PTPRT: variants seen among roughly 807,000 people sequenced by gnomAD.
PTPRT encodes protein tyrosine phosphatase receptor type T.
In PTPRT, 56 loss-of-function variants were observed where a neutral mutation model predicts 176.8. That is an observed-to-expected ratio of 0.32 (90% CI 0.26 to 0.40). The LOEUF is 0.40. PTPRT is among the 10% of genes least tolerant of loss of function. PTPRT has a pLI of 1.00. For missense variants in PTPRT, 1,540 were observed against 1,908.2 expected (o/e 0.81, Z 3.60); for synonymous variants, 783 against 739.0 (o/e 1.06, Z -0.96).
intron 16 of PTPRT, among the ~76,000 whole-genome samples, chr20:42,191,116 T>A (rs57304566): frequency 0.22 from 33,051 of 151,712 alleles, 4,123 homozygotes; most frequent in African/African-American, 0.32. Context: ...ATGTAGTAAT[T>A]CCTACATTTC....
At chr20:42,183,585 T>C (rs1990609337) in intron 16 of PTPRT, among the ~76,000 whole-genome samples, 1 of 152,194 alleles carries the variant, frequency 6.6e-6, no homozygotes, top group South Asian at 2.1e-4. Context: ...ATATTCCTAT[T>C]ATTGACTATA....
intron 20 of PTPRT, among the ~76,000 whole-genome samples, 172 bp downstream of exon 20, chr20:42,119,763 G>A (rs959606194): frequency 2.0e-5 from 3 of 152,138 alleles, no homozygotes; most frequent in East Asian, 1.9e-4. Flanking sequence ...CTACCCCTCC[G>A]TGGCTTCTTT....
chr20:42,613,216 G>A (rs1367377408), intron 7 of PTPRT, among the ~76,000 whole-genome samples: 2 of 152,304 alleles, frequency 1.3e-5, no homozygotes, highest in African/African-American at 2.4e-5. Flanking sequence ...TGGCTTTCTG[G>A]CAGTGAGCAC....
intron 25 of PTPRT, 36 bp from the exon 26 acceptor site, chr20:42,102,333 C>T: frequency 1.0e-5 from 16 of 1,593,630 alleles, no homozygotes; most frequent in Non-Finnish European, 1.4e-5. Context: ...AGGCCCTGCT[C>T]ATTTGGCTGC....
At chr20:42,823,219 G>A (rs913319220) in intron 2 of PTPRT, among the ~76,000 whole-genome samples, 3 of 152,182 alleles carry the variant, frequency 2.0e-5, no homozygotes, top group Non-Finnish European at 4.4e-5. Context: ...AAAAAGGAAT[G>A]AGATCATGTG....
intron 17 of PTPRT, among the ~76,000 whole-genome samples, chr20:42,156,617 G>T (rs1329753686): frequency 2.0e-5 from 3 of 152,196 alleles, no homozygotes; most frequent in African/African-American, 7.2e-5. Flanking sequence ...ACTACTGATT[G>T]TTCCAGCTCT....
Position 42,075,117 on chromosome 20 carries a change from A to G in PTPRT, c.*5762T>C, listed in dbSNP as rs1982644154. On this transcript the variant is annotated 3_prime_UTR_variant, in exon 31 of 31. Coordinates refer to ENST00000373187, the MANE Select transcript of PTPRT (RefSeq NM_007050.6). ...ATCACTTCTAGACATGTATACATGG[A>G]AAACCTCCAACAGGGAAACTTTGCA... 1 of 341,544 alleles carries G rather than the reference A, an allele frequency of 2.9e-6. No individual in the cohort carries two copies. The highest frequency in any genetic ancestry group is 4.8e-5 in the Admixed American group (1 of 20,936). The allele number at this position is 341,544 out of a possible 1,614,324, so 21.2% of individuals were successfully genotyped here. A position where few individuals can be genotyped will look rare whatever the true frequency, so the allele number is the denominator to read the frequency against.
chr20:42,879,756 T>TGC (rs1357534821), intron 2 of PTPRT, among the ~76,000 whole-genome samples: 20 of 140,930 alleles, frequency 1.4e-4, no homozygotes, highest in South Asian at 2.3e-4. Flanking sequence ...TGTGTGTGTG[T>TGC]GCGCGTGTGT....
intron 1 of PTPRT, among the ~76,000 whole-genome samples, chr20:43,034,104 CCTGA>C (rs1986268164): frequency 6.6e-6 from 1 of 152,238 alleles, no homozygotes; most frequent in Admixed American, 6.5e-5. Flanking sequence ...CATGCTCTTT[CCTGA>C]CTGTGTGTTC....
chr20:43,000,429 G>C (rs1230922799), intron 1 of PTPRT, among the ~76,000 whole-genome samples: 1 of 151,844 alleles, frequency 6.6e-6, no homozygotes, highest in Non-Finnish European at 1.5e-5. Context: ...AGATTTTTAA[G>C]TGAATTATAA....
chr20:43,056,094 G>C (rs935723184), intron 1 of PTPRT, among the ~76,000 whole-genome samples: 14 of 152,156 alleles, frequency 9.2e-5, no homozygotes, highest in Admixed American at 1.3e-4. Flanking sequence ...GGATGAACAA[G>C]AAGAGTCAAA....
At chr20:42,584,198 T>G (rs1035165417) in intron 7 of PTPRT, among the ~76,000 whole-genome samples, 2 of 152,192 alleles carry the variant, frequency 1.3e-5, no homozygotes, top group African/African-American at 2.4e-5. Flanking sequence ...TCATGAGATA[T>G]TAAATAAAAT....
At chr20:43,093,368 T>C (rs1268569348) in intron 1 of PTPRT, among the ~76,000 whole-genome samples, 5 of 152,164 alleles carry the variant, frequency 3.3e-5, no homozygotes, top group Admixed American at 3.3e-4. Context: ...TCCAAGAAAG[T>C]TTTAGTTGTA....
intron 11 of PTPRT, among the ~76,000 whole-genome samples, chr20:42,327,131 CAT>C (rs1429679865): frequency 2.7e-5 from 4 of 148,974 alleles, no homozygotes; most frequent in Admixed American, 2.0e-4. Flanking sequence ...GAGAGAGAAA[CAT>C]ATAATTTTAT....
intron 1 of PTPRT, among the ~76,000 whole-genome samples, chr20:42,964,184 C>T (rs775973105): frequency 7.9e-5 from 12 of 152,086 alleles, no homozygotes; most frequent in Non-Finnish European, 1.5e-5. Flanking sequence ...GTATAAATTG[C>T]CTCAACTTCT....
intron 1 of PTPRT, among the ~76,000 whole-genome samples, chr20:43,017,379 C>T (rs1321567803): frequency 6.6e-6 from 1 of 152,120 alleles, no homozygotes; most frequent in East Asian, 1.9e-4. Flanking sequence ...CCTCACCCTC[C>T]TTCTCTGCTT....
chr20:43,045,183 G>C (rs1178818904), intron 1 of PTPRT, among the ~76,000 whole-genome samples: 1 of 152,170 alleles, frequency 6.6e-6, no homozygotes, highest in Non-Finnish European at 1.5e-5. Flanking sequence ...TTTAGAAACA[G>C]AGCACCCAAG....
the PTPRT span, among the ~76,000 whole-genome samples, chr20:42,051,216 C>G: frequency 6.6e-6 from 1 of 152,160 alleles, no homozygotes; most frequent in African/African-American, 2.4e-5. Context: ...CCTCAAAGCC[C>G]TGAAAACAGC....
At chr20:42,913,974 AT>A (rs1978563559) in intron 1 of PTPRT, among the ~76,000 whole-genome samples, 1 of 152,168 alleles carries the variant, frequency 6.6e-6, no homozygotes, top group Non-Finnish European at 1.5e-5. Flanking sequence ...CTAATGTTGA[AT>A]TTTCCTTACA....
Sources: gnomAD v4.1 joint callset for allele counts (sites outside exome capture counted in the v4.1 genomes callset) on GRCh38, gnomAD v4.1.1 for gene constraint, MANE v1.5 for transcripts, NCBI Gene and HGNC (gene_info 2026-07-23, HGNC 2026-07-21) for gene names.